Variants in TOMM20 observed in about 807,000 individuals in gnomAD.
The protein encoded by TOMM20 is translocase of outer mitochondrial membrane 20.
A neutral mutation model predicts 22.1 loss-of-function variants in TOMM20; 10 were observed. That is an observed-to-expected ratio of 0.45 (90% CI 0.28 to 0.77). The LOEUF is 0.77. TOMM20 is among the 30% of genes least tolerant of loss of function. The pLI is 0.13. For synonymous variants in TOMM20, 55 were observed against 61.4 expected (o/e 0.90, Z 0.49); for missense variants, 121 against 172.2 (o/e 0.70, Z 1.66).
chr1:235,119,698 T>A, intron 3 of TOMM20, 120 bp downstream of exon 3: 2 of 554,798 alleles, frequency 3.6e-6, no homozygotes, highest in Non-Finnish European at 3.2e-6. Context: ...AAACTTGTCT[T>A]GAGATACTTG....
intron 3 of TOMM20, among the ~76,000 whole-genome samples, chr1:235,115,018 C>A (rs974782909): frequency 6.6e-6 from 1 of 151,992 alleles, no homozygotes; most frequent in African/African-American, 2.4e-5. Flanking sequence ...CATAGGTGTG[C>A]ACCACCACAC....
intron 1 of TOMM20, among the ~76,000 whole-genome samples, chr1:235,123,811 T>C (rs1660969927): frequency 6.6e-6 from 1 of 152,236 alleles, no homozygotes; most frequent in South Asian, 2.1e-4. Flanking sequence ...TATGGGTTTT[T>C]GTTCTCTTAA....
At chr1:235,127,694 A>T (rs1661048050) in intron 1 of TOMM20, 1 of 360,470 alleles carries the variant, frequency 2.8e-6, no homozygotes. Flanking sequence ...AATATTTCTT[A>T]TTGCAACAAA....
intron 1 of TOMM20, among the ~76,000 whole-genome samples, chr1:235,124,661 C>T (rs1660982366): frequency 6.6e-6 from 1 of 152,116 alleles, no homozygotes; most frequent in Non-Finnish European, 1.5e-5. Flanking sequence ...GAAAGTGAAA[C>T]TGAGTCATAA....
At chr1:235,128,540 G>A (rs1025287422) in intron 1 of TOMM20, 55 bp downstream of exon 1, 3 of 1,610,196 alleles carry the variant, frequency 1.9e-6, no homozygotes, top group African/African-American at 2.7e-5. Flanking sequence ...CCCCTCCTGT[G>A]AAGGGCGGCG....
intron 4 of TOMM20, 49 bp downstream of exon 4, chr1:235,113,719 C>G (rs763215775): frequency 1.3e-6 from 2 of 1,555,774 alleles, no homozygotes; most frequent in Non-Finnish European, 1.7e-6. Context: ...CCTAATCATT[C>G]GATTCTAAAT....
intron 4 of TOMM20, among the ~76,000 whole-genome samples, chr1:235,112,371 TCTCTGTAAC>T (rs1558127494): frequency 6.6e-6 from 1 of 152,086 alleles, no homozygotes; most frequent in Non-Finnish European, 1.5e-5. Context: ...TCAGATGGGG[TCTCTGTAAC>T]CCAGGCTGGA....
At chr1:235,116,409 C>T (rs555924009) in intron 3 of TOMM20, among the ~76,000 whole-genome samples, 6 of 151,898 alleles carry the variant, frequency 4.0e-5, no homozygotes, top group Non-Finnish European at 5.9e-5. Flanking sequence ...CATGGTAGCA[C>T]GTGCCTGTAG....
chr1:235,128,671 G>C lies in TOMM20; in HGVS notation c.45C>G (p.Ala15=). The C allele has an allele frequency of 1.2e-6, 2 of 1,614,070 alleles. No individual in the cohort carries two copies. The highest frequency in any genetic ancestry group is 1.1e-5 in the South Asian group (1 of 91,086). ...NSAIAAGVCG[A]LFIGYCIYFD... Reference sequence around the variant, plus strand: ...AGTAGATGCAGTACCCAATGAAAAGGGCCCCGCATACACCGGCGGCGATGG... The same window carrying C: ...AGTAGATGCAGTACCCAATGAAAAGCGCCCCGCATACACCGGCGGCGATGG... The change falls in exon 1 of 5, where the codon GCC becomes GCG. Residue 15 remains alanine, a synonymous_variant. Transcript: ENST00000366607.
intron 3 of TOMM20, among the ~76,000 whole-genome samples, chr1:235,114,439 C>CTTTTTTTTTTT: frequency 7.6e-6 from 1 of 131,606 alleles, no homozygotes; most frequent in Non-Finnish European, 1.6e-5. Context: ...CTTATTTTTT[C>CTTTTTTTTTTT]TTTTTTTTTT....
chr1:235,119,678 A>C (rs1660897320), intron 3 of TOMM20, 140 bp downstream of exon 3: 2 of 504,914 alleles, frequency 4.0e-6, no homozygotes, highest in Non-Finnish European at 7.2e-6. Flanking sequence ...TCCAATTATT[A>C]AGTGCCTAAA....
intron 3 of TOMM20, among the ~76,000 whole-genome samples, chr1:235,114,358 G>T (rs1416048782): frequency 6.6e-6 from 1 of 151,562 alleles, no homozygotes; most frequent in Non-Finnish European, 1.5e-5. Context: ...AGTGATACTA[G>T]CAGGAAAAAT....
intron 3 of TOMM20, among the ~76,000 whole-genome samples, chr1:235,118,937 AG>A (rs1433845160): frequency 6.6e-6 from 1 of 152,224 alleles, no homozygotes; most frequent in Admixed American, 6.5e-5. Flanking sequence ...TTCTTGGCAA[AG>A]GGGAGACGTG....
chr1:235,114,000 C>A, intron 3 of TOMM20, 90 bp from the exon 4 acceptor site: 1 of 1,383,340 alleles, frequency 7.2e-7, no homozygotes, highest in South Asian at 1.5e-5. Context: ...ATGATGCTGA[C>A]CAAAAACACT....
rs1181417922 is a variant in TOMM20 at position 235,126,805 on chromosome 1, C to CA, written c.121+1789dup. 2.0e-5 allele frequency among the ~76,000 whole-genome samples: 3 copies of CA among 152,102 alleles called. No individual in the cohort carries two copies. In the East Asian group the frequency reaches 5.8e-4, roughly 29 times the overall value. ...ACAGAGCGAGACTCAAACAAACAAA[C>CA]AACAACAACAAAAAATCTCTAGCAT... is the stretch of plus-strand genomic sequence containing the variant. On this transcript the variant is annotated intron_variant, in intron 1 of 4. Transcript: ENST00000366607.
intron 3 of TOMM20, 115 bp from the exon 4 acceptor site, chr1:235,114,025 C>A (rs759886452): frequency 2.6e-6 from 3 of 1,150,630 alleles, no homozygotes; most frequent in African/African-American, 1.5e-5. Context: ...AAGTAAAATA[C>A]TGGAAATGAC....
At chr1:235,116,366 C>T (rs1265877633) in intron 3 of TOMM20, among the ~76,000 whole-genome samples, 3 of 151,694 alleles carry the variant, frequency 2.0e-5, no homozygotes, top group Admixed American at 1.3e-4. Flanking sequence ...TGGTGAAACC[C>T]GGTCTCTACT....
chr1:235,112,614 T>C (rs1660756514), intron 4 of TOMM20, among the ~76,000 whole-genome samples: 1 of 152,142 alleles, frequency 6.6e-6, no homozygotes, highest in Admixed American at 6.5e-5. Context: ...TGAGACACTG[T>C]GTACAGCCAT....
intron 3 of TOMM20, among the ~76,000 whole-genome samples, chr1:235,115,613 C>A (rs752316586): frequency 3.9e-5 from 6 of 151,920 alleles, no homozygotes; most frequent in Non-Finnish European, 7.4e-5. Context: ...GGCGACAGAG[C>A]GAGACTCTGT....
Sources: gnomAD v4.1 joint callset for allele counts (sites outside exome capture counted in the v4.1 genomes callset) on GRCh38, gnomAD v4.1.1 for gene constraint, MANE v1.5 for transcripts, NCBI Gene and HGNC (gene_info 2026-07-23, HGNC 2026-07-21) for gene names.